Variants in PHF21B observed in about 807,000 individuals in gnomAD.
PHF21B encodes PHD finger protein 4.
A neutral mutation model predicts 62.2 loss-of-function variants in PHF21B; 22 were observed. The observed-to-expected ratio is 0.35, with a 90% CI of 0.25 to 0.51. The LOEUF (loss-of-function observed/expected upper bound fraction) is 0.51, where lower values mean the gene tolerates loss of function less well. Ranked by LOEUF, PHF21B falls within the 20% of genes least tolerant of loss-of-function variation. PHF21B has a pLI of 0.97. For synonymous variants in PHF21B, 341 were observed against 314.7 expected, an observed-to-expected ratio of 1.08 and a Z score of -0.88; for missense variants, 701 against 707.9, an observed-to-expected ratio of 0.99 and a Z score of 0.11.
At chr22:44,953,434 A>AG (rs2072233311) in intron 2 of PHF21B, among the ~76,000 whole-genome samples, 1 of 152,048 alleles carries the variant, frequency 6.6e-6, no homozygotes, top group East Asian at 1.9e-4. Flanking sequence ...TGGTGTGATC[A>AG]CCGCTAATTT....
chr22:44,923,705 G>A (rs1052618773), intron 2 of PHF21B, among the ~76,000 whole-genome samples: 3 of 152,026 alleles, frequency 2.0e-5, no homozygotes, highest in African/African-American at 7.2e-5. Flanking sequence ...CACAATATTT[G>A]AACAGATACT....
At chr22:44,961,255 T>C (rs958071011) in intron 2 of PHF21B, among the ~76,000 whole-genome samples, 1 of 152,066 alleles carries the variant, frequency 6.6e-6, no homozygotes, top group Admixed American at 6.5e-5. Flanking sequence ...GTGCCCAGAC[T>C]GATTTTTTAT....
intron 5 of PHF21B, among the ~76,000 whole-genome samples, chr22:44,900,642 C>G (rs1392426744): frequency 6.6e-6 from 1 of 152,200 alleles, no homozygotes; most frequent in Non-Finnish European, 1.5e-5. Context: ...ACTTGAAGGA[C>G]AGCTTGGCTG....
intron 2 of PHF21B, among the ~76,000 whole-genome samples, chr22:44,963,947 G>A (rs1426633661): frequency 2.0e-5 from 3 of 152,222 alleles, no homozygotes; most frequent in African/African-American, 4.8e-5. Flanking sequence ...GGCACACAGA[G>A]GGCACTCAGG....
intron 2 of PHF21B, among the ~76,000 whole-genome samples, chr22:44,953,654 T>G (rs2072237846): frequency 6.6e-6 from 1 of 152,194 alleles, no homozygotes; most frequent in African/African-American, 2.4e-5. Context: ...CCAGCCCTCC[T>G]TCCTGAGACC....
intron 2 of PHF21B, among the ~76,000 whole-genome samples, chr22:44,933,902 C>T (rs2147346214): frequency 6.6e-6 from 1 of 152,272 alleles, no homozygotes; most frequent in East Asian, 1.9e-4. Flanking sequence ...TCTGGCAGTC[C>T]CCAGGAGACA....
At chr22:44,889,658 C>A in intron 9 of PHF21B, 102 bp downstream of exon 9, 1 of 1,404,292 alleles carries the variant, frequency 7.1e-7, no homozygotes, top group Non-Finnish European at 9.6e-7. Flanking sequence ...CCTTCTGCAC[C>A]ACTCCGGGCT....
intron 2 of PHF21B, among the ~76,000 whole-genome samples, chr22:44,942,193 G>A (rs574662051): frequency 1.3e-5 from 2 of 152,204 alleles, no homozygotes; most frequent in Non-Finnish European, 2.9e-5. Context: ...CGGGACAGGA[G>A]CAGAAAATCC....
intron 2 of PHF21B, among the ~76,000 whole-genome samples, chr22:44,955,960 G>A (rs2072288147): frequency 6.6e-6 from 1 of 152,200 alleles, no homozygotes; most frequent in African/African-American, 2.4e-5. Context: ...GCACTTCCCT[G>A]GCAGTTCTAT....
chr22:44,989,895 C>T (rs780690914), intron 2 of PHF21B, among the ~76,000 whole-genome samples: 3 of 152,224 alleles, frequency 2.0e-5, no homozygotes, highest in Non-Finnish European at 4.4e-5. Flanking sequence ...CAGGCGTGAG[C>T]CACCATGCCC....
chr22:44,888,114 A>T lies in PHF21B; in HGVS notation c.1046T>A (p.Ile349Asn). ...ANEDPCWKNE[I>N]THDEHCAACK... is the part of the protein sequence containing the mutation. Reference sequence around the variant, plus strand: ...GGCGGCACAGTGCTCATCGTGGGTGATCTCGTTCTGGAAGAGAAGGGAGGG... The same window carrying T: ...GGCGGCACAGTGCTCATCGTGGGTGTTCTCGTTCTGGAAGAGAAGGGAGGG... Residue 349 changes from isoleucine to asparagine, a missense_variant, in exon 10 of 13, where the codon ATC (isoleucine) becomes AAC (asparagine). By Grantham distance (149) the Ile-to-Asn change is moderately radical. Coordinates refer to ENST00000313237, the MANE Select transcript of PHF21B (RefSeq NM_138415.5). 1 of 1,526,798 alleles carries T rather than the reference A, an allele frequency of 6.5e-7. No individual in the cohort carries two copies. The highest frequency in any genetic ancestry group is 2.5e-5 in the East Asian group (1 of 39,290). The allele number at this position is 1,526,798 out of a possible 1,614,324, so 94.6% of individuals were successfully genotyped here.
At chr22:44,954,193 TA>T (rs143299618) in intron 2 of PHF21B, among the ~76,000 whole-genome samples, 7,707 of 150,894 alleles carry the variant, frequency 0.051, 326 homozygotes, top group South Asian at 0.17. Context: ...TTCTTGTTGT[TA>T]AAAAAAAAAT....
rs2070751665 is a variant in PHF21B, at chr22:44,882,185, A to AAGAAAAGT, written c.*900_*901insACTTTTCT. Reference sequence around the variant, plus strand: ...ATACTTATCGGCTCTTCCAAAGGAGACAAGAAAGGGCTTCAGTCGTTAAGT... The same window carrying AAGAAAAGT: ...ATACTTATCGGCTCTTCCAAAGGAGAAGAAAAGTCAAGAAAGGGCTTCAGTCGTTAAGT... On this transcript the variant is annotated 3_prime_UTR_variant, in exon 13 of 13. Transcript: ENST00000313237. 8 of 152,488 alleles carry AAGAAAAGT rather than the reference A, an allele frequency of 5.2e-5. No individual in the cohort carries two copies. The highest frequency in any genetic ancestry group is 7.4e-5 in the Non-Finnish European group (5 of 68,014). The allele number at this position is 152,488 out of a possible 1,614,324, so 9.4% of individuals were successfully genotyped here.
intron 5 of PHF21B, among the ~76,000 whole-genome samples, chr22:44,906,123 C>T (rs1601586005): frequency 6.6e-6 from 1 of 152,102 alleles, no homozygotes; most frequent in East Asian, 1.9e-4. Context: ...GGTGTGGGTC[C>T]CTGGCTGCCG....
At position 45,007,442 on chromosome 22, in the gene PHF21B, GGCGGGGGCGC is replaced by G. The variant is rs915057938; in HGVS notation, c.120+1093_120+1102del. On this transcript the variant is annotated intron_variant, in intron 2 of 12. Coordinates refer to ENST00000313237, the MANE Select transcript of PHF21B (RefSeq NM_138415.5). ...GGGTGGGAGCGCGGGGGCAGGCCCGGGCGGGGGCGCGCGGGGGCGGGCCCGGAGCTGTCCA... is the reference window on the plus strand; with the variant it reads ...GGGTGGGAGCGCGGGGGCAGGCCCGGGCGGGGGCGGGCCCGGAGCTGTCCA... Among the ~76,000 whole-genome samples the G allele has an allele frequency of 6.1e-3, 918 of 150,356 alleles. 9 individuals are homozygous for G. Among genetic ancestry groups the G allele is most frequent in the African/African-American group, 0.021 (852 of 41,000 alleles).
intron 5 of PHF21B, among the ~76,000 whole-genome samples, chr22:44,909,034 A>G (rs5766179): frequency 0.29 from 43,793 of 151,838 alleles, 6,662 homozygotes; most frequent in East Asian, 0.63. Context: ...CTGACCTCAG[A>G]TGACCCGCCC....
At chr22:44,932,119 C>T (rs1161542981) in intron 2 of PHF21B, among the ~76,000 whole-genome samples, 1 of 152,232 alleles carries the variant, frequency 6.6e-6, no homozygotes, top group Non-Finnish European at 1.5e-5. Flanking sequence ...CCTCGAACCT[C>T]CACTGGGAAG....
intron 2 of PHF21B, among the ~76,000 whole-genome samples, chr22:44,955,892 G>C (rs2072286410): frequency 6.6e-6 from 1 of 152,204 alleles, no homozygotes; most frequent in African/African-American, 2.4e-5. Flanking sequence ...GCCATGGTCA[G>C]CACTCAAAGA....
intron 2 of PHF21B, among the ~76,000 whole-genome samples, chr22:45,005,087 C>G (rs1444715742): frequency 6.6e-6 from 1 of 152,244 alleles, no homozygotes; most frequent in Non-Finnish European, 1.5e-5. Flanking sequence ...CTCCACCCAC[C>G]CAGTATTTAC....
Sources: allele counts gnomAD v4.1 joint callset (sites outside exome capture counted in the v4.1 genomes callset), GRCh38; gene constraint gnomAD v4.1.1; transcripts MANE v1.5; gene names NCBI Gene and HGNC (gene_info 2026-07-23, HGNC 2026-07-21).